The following GABRA4 variants were observed in gnomAD, a reference collection of about 807,000 sequenced individuals.
GABRA4 encodes the protein gamma-aminobutyric acid type A receptor subunit alpha4.
In GABRA4, 12 loss-of-function variants were observed where a neutral mutation model predicts 49.7. The ratio of observed to expected loss-of-function variants is 0.24; its 90% CI spans 0.15 to 0.39. GABRA4 has a LOEUF of 0.39. GABRA4 is among the 10% of genes least tolerant of loss of function. GABRA4 has a pLI of 1.00. For missense variants in GABRA4, 506 were observed against 686.0 expected, an observed-to-expected ratio of 0.74 and a Z score of 2.93; for synonymous variants, 288 against 240.2, an observed-to-expected ratio of 1.20 and a Z score of -1.84.
intron 2 of GABRA4, among the ~76,000 whole-genome samples, chr4:46,987,508 T>C (rs1046794461): frequency 6.6e-6 from 1 of 152,116 alleles, no homozygotes; most frequent in East Asian, 1.9e-4. Context: ...CAGGAAATCG[T>C]GCAGTCCTCC....
At chr4:46,978,761 G>A (rs183355992) in intron 3 of GABRA4, among the ~76,000 whole-genome samples, 3 of 150,462 alleles carry the variant, frequency 2.0e-5, no homozygotes, top group African/African-American at 4.9e-5. Context: ...CAAAAAAGCT[G>A]CACCCTAGGT....
intron 7 of GABRA4, among the ~76,000 whole-genome samples, chr4:46,968,219 T>G (rs1379764019): frequency 1.3e-5 from 2 of 151,588 alleles, no homozygotes; most frequent in East Asian, 1.9e-4. Context: ...TTAACTTTTC[T>G]AAGAAAGTAC....
intron 8 of GABRA4, among the ~76,000 whole-genome samples, chr4:46,945,840 C>A (rs1197155097): frequency 6.6e-6 from 1 of 152,074 alleles, no homozygotes; most frequent in Non-Finnish European, 1.5e-5. Context: ...TAGATACTAG[C>A]AATCTCCCTC....
chr4:46,942,811 G>A (rs577498024), intron 8 of GABRA4, among the ~76,000 whole-genome samples: 1 of 151,950 alleles, frequency 6.6e-6, no homozygotes, highest in South Asian at 2.1e-4. Flanking sequence ...TTTCCATAGG[G>A]TTTAGCTGTC....
chr4:46,992,636 G>T (rs1723798912), intron 2 of GABRA4, 192 bp downstream of exon 2: 1 of 594,676 alleles, frequency 1.7e-6, no homozygotes, highest in South Asian at 2.1e-5. Flanking sequence ...TTCTGAGGGG[G>T]CAGGGAGATG....
chr4:46,935,723 C>T (rs925508846), intron 8 of GABRA4, among the ~76,000 whole-genome samples: 3 of 151,940 alleles, frequency 2.0e-5, no homozygotes, highest in African/African-American at 4.8e-5. Context: ...ATGTAGATGA[C>T]GGGTTGATGG....
In GABRA4 at chr4:46,927,033, G is replaced by C. The variant is rs952840561; in HGVS notation, c.*1192C>G. ...TTAGCATTTCACTAGCTAATATCTA[G>C]ATCTATCTTGGGGAAAGCACCTGAA... is the stretch of plus-strand genomic sequence containing the variant. On this transcript the variant is annotated 3_prime_UTR_variant, in exon 9 of 9. Coordinates refer to ENST00000264318, the MANE Select transcript of GABRA4 (RefSeq NM_000809.4). 9.2e-5 allele frequency: 14 copies of C among 151,914 alleles called. No homozygotes were observed. The highest frequency in any genetic ancestry group is 3.4e-3 in the Middle Eastern group (1 of 294). The allele number at this position is 151,914 out of a possible 1,614,324, so 9.4% of individuals were successfully genotyped here.
At chr4:46,934,418 C>T (rs1374503574) in intron 8 of GABRA4, among the ~76,000 whole-genome samples, 1 of 152,122 alleles carries the variant, frequency 6.6e-6, no homozygotes, top group African/African-American at 2.4e-5. Context: ...ATTTTTAACA[C>T]ATCCCCTCCA....
Position 46,927,538 on chromosome 4 carries a change from T to C in GABRA4, c.*687A>G, listed in dbSNP as rs1186442799. ...AATAACTATGTAGTAAATAAACACA[T>C]AACTGAATGAACTACCATGAAAAAG... is the stretch of plus-strand genomic sequence containing the variant. On this transcript the variant is annotated 3_prime_UTR_variant, in exon 9 of 9. Coordinates refer to ENST00000264318, the MANE Select transcript of GABRA4 (RefSeq NM_000809.4). The C allele has an allele frequency of 6.6e-6, 1 of 152,484 alleles. No homozygotes were observed. Among genetic ancestry groups the C allele is most frequent in the Non-Finnish European group, 1.5e-5 (1 of 67,984 alleles). The allele number at this position is 152,484 out of a possible 1,614,324, so 9.4% of individuals were successfully genotyped here. A position where few individuals can be genotyped will look rare whatever the true frequency, so the allele number is the denominator to read the frequency against.
Position 46,942,626 on chromosome 4 carries a change from G to GAA in GABRA4, c.1135-13873_1135-13872dup, listed in dbSNP as rs752581585. On this transcript the variant is annotated intron_variant, in intron 8 of 8. Transcript: ENST00000264318. ...GGCGACAGAGTGAGACTCTGTCTCA[G>GAA]AAAAAAAAAAAAAAAAAATTATGTC... Among the ~76,000 whole-genome samples the GAA allele has an allele frequency of 4.8e-4, 53 of 110,642 alleles. 3 individuals are homozygous for GAA. The East Asian group carries it at 9.0e-3, about 19-fold the overall frequency. The allele number at this position is 110,642 out of a possible 152,430, so 72.6% of individuals were successfully genotyped here. A position where few individuals can be genotyped will look rare whatever the true frequency, so the allele number is the denominator to read the frequency against.
At chr4:46,972,734 C>T (rs533391554) in intron 6 of GABRA4, among the ~76,000 whole-genome samples, 1 of 151,640 alleles carries the variant, frequency 6.6e-6, no homozygotes. Flanking sequence ...ATACTATGCC[C>T]TTTGACTAAT....
At position 46,924,583 on chromosome 4, in the gene GABRA4, A is replaced by T. The variant is rs1438260651; in HGVS notation, c.*3642T>A. The T allele has an allele frequency of 6.6e-6, 1 of 152,090 alleles. No homozygotes were observed. The highest frequency in any genetic ancestry group is 1.9e-4 in the East Asian group (1 of 5,192). The allele number at this position is 152,090 out of a possible 1,614,324, so 9.4% of individuals were successfully genotyped here. Reference sequence around the variant, plus strand: ...GAAATCCCAGAAAAGAGAAATAGCCAATATTCTACTGTCTTTAAAGAATAC... The same window carrying T: ...GAAATCCCAGAAAAGAGAAATAGCCTATATTCTACTGTCTTTAAAGAATAC... On this transcript the variant is annotated 3_prime_UTR_variant, in exon 9 of 9. Coordinates refer to ENST00000264318, the MANE Select transcript of GABRA4 (RefSeq NM_000809.4).
Position 46,925,754 on chromosome 4 carries a change from TATTATCATC to T in GABRA4, c.*2462_*2470del, listed in dbSNP as rs1191092396. 1.1e-4 allele frequency: 13 copies of T among 114,254 alleles called. No homozygotes were observed. The highest frequency in any genetic ancestry group is 3.1e-4 in the African/African-American group (11 of 35,052). 7.1% of individuals were successfully genotyped at this position (114,254 alleles called of 1,614,324 possible). ...TTATTATTATTATTATTATTATTAT[TATTATCATC>T]ATTATTATCATTGTGTGCAAATGAA... On this transcript the variant is annotated 3_prime_UTR_variant, in exon 9 of 9. Transcript: ENST00000264318.
intron 8 of GABRA4, among the ~76,000 whole-genome samples, chr4:46,943,022 T>C (rs1435230893): frequency 3.3e-5 from 5 of 152,126 alleles, no homozygotes; most frequent in Admixed American, 3.3e-4. Context: ...TATCTACCCA[T>C]TTATTCATTC....
At position 46,935,629 on chromosome 4, in the gene GABRA4, C is replaced by T. The variant is rs568479883; in HGVS notation, c.1135-6874G>A. Among the ~76,000 whole-genome samples the T allele has an allele frequency of 5.6e-4, 85 of 150,838 alleles. No homozygotes were observed. The South Asian group carries it at 8.8e-3, about 16-fold the overall frequency. On this transcript the variant is annotated intron_variant, in intron 8 of 8. Transcript: ENST00000264318. ...GTGGGAGTTGAACAATGAGAACACACGGACACAGGGAGGGGAACATCATAC... is the reference window on the plus strand; with the variant it reads ...GTGGGAGTTGAACAATGAGAACACATGGACACAGGGAGGGGAACATCATAC...
intron 2 of GABRA4, among the ~76,000 whole-genome samples, chr4:46,992,342 C>T (rs1396358888): frequency 1.3e-5 from 2 of 152,350 alleles, no homozygotes; most frequent in East Asian, 1.9e-4. Context: ...GGACTGGGTT[C>T]TCTAGCAGAG....
At position 46,928,239 on chromosome 4, in the gene GABRA4, C is replaced by T. The variant is rs1388235679; in HGVS notation, c.1651G>A (p.Glu551Lys). 3 of 1,606,446 alleles carry T rather than the reference C, an allele frequency of 1.9e-6. No homozygotes were observed. In the Admixed American group the frequency reaches 5.1e-5, roughly 27 times the overall value. ...YLSKDTMEKS[E>K]SLM Reference sequence around the variant, plus strand: ...TAGCAACGAAATTACATTAGACTTTCTGATTTCTCCATAGTGTCCTTAGAT... The same window carrying T: ...TAGCAACGAAATTACATTAGACTTTTTGATTTCTCCATAGTGTCCTTAGAT... The change falls in exon 9 of 9, where the codon GAA becomes AAA. Residue 551 changes from glutamate to lysine, a missense_variant. Glu to Lys is a moderately conservative substitution (Grantham distance 56). Around this residue, in one of 5 missense-constraint regions of GABRA4, gnomAD observed 29 missense variants for 25.1 expected, o/e 1.16. Transcript: ENST00000264318.
At chr4:46,987,403 T>C (rs1199345294) in intron 2 of GABRA4, among the ~76,000 whole-genome samples, 1 of 152,142 alleles carries the variant, frequency 6.6e-6, no homozygotes, top group Admixed American at 6.5e-5. Context: ...TTTACATTAC[T>C]CTATAGCTGT....
chr4:46,949,230 C>A (rs965281046), intron 8 of GABRA4, among the ~76,000 whole-genome samples: 2 of 152,080 alleles, frequency 1.3e-5, no homozygotes, highest in African/African-American at 4.8e-5. Context: ...CACATTCTTA[C>A]GGGATTCTAA....
Sources: allele counts gnomAD v4.1 joint callset (sites outside exome capture counted in the v4.1 genomes callset), GRCh38; gene constraint gnomAD v4.1.1; regional missense constraint gnomAD v4.1.1; transcripts MANE v1.5; gene names NCBI Gene and HGNC (gene_info 2026-07-23, HGNC 2026-07-21).